Variants in TAF12 observed in about 807,000 individuals in gnomAD.
The protein encoded by TAF12 is TATA-box binding protein associated factor 12, also known as transcription initiation factor TFIID subunit 12.
A neutral mutation model predicts 20.8 loss-of-function variants in TAF12; 3 were observed. The observed-to-expected ratio is 0.14, with a 90% CI of 0.07 to 0.37. The LOEUF (loss-of-function observed/expected upper bound fraction) is 0.37, where lower values mean the gene tolerates loss of function less well. TAF12 is among the 10% of genes least tolerant of loss of function. The probability of loss-of-function intolerance (pLI) is 1.00; values close to 1 mark genes in which losing one functional copy is unlikely to be tolerated. For missense variants in TAF12, 131 were observed against 197.9 expected (o/e 0.66, Z 2.03); for synonymous variants, 69 against 70.2 (o/e 0.98, Z 0.09).
intron 1 of TAF12, among the ~76,000 whole-genome samples, chr1:28,628,856 T>C (rs1212886918): frequency 6.6e-6 from 1 of 152,212 alleles, no homozygotes; most frequent in Non-Finnish European, 1.5e-5. Flanking sequence ...GCGGATCACC[T>C]GAGGTTGGGA....
chr1:28,616,656 C>G (rs1299699268), intron 3 of TAF12, among the ~76,000 whole-genome samples: 1 of 150,688 alleles, frequency 6.6e-6, no homozygotes, highest in Non-Finnish European at 1.5e-5. Flanking sequence ...ATCACTTGAA[C>G]CCCCGGGATG....
chr1:28,619,542 A>G (rs2124331324), intron 2 of TAF12, among the ~76,000 whole-genome samples: 1 of 150,116 alleles, frequency 6.7e-6, no homozygotes, highest in Admixed American at 6.6e-5. Flanking sequence ...ATAAATTAAG[A>G]AAAAAGAAAA....
At chr1:28,647,180 A>G (rs1261286520), upstream of TAF12, among the ~76,000 whole-genome samples, 3 of 152,202 alleles carry the variant, frequency 2.0e-5, no homozygotes, top group African/African-American at 2.4e-5. Flanking sequence ...ATACATAGAA[A>G]GCAGTCTGGC....
intron 1 of TAF12, among the ~76,000 whole-genome samples, chr1:28,624,935 A>C (rs1667334102): frequency 6.6e-6 from 1 of 152,136 alleles, no homozygotes; most frequent in East Asian, 1.9e-4. Flanking sequence ...TTTTAACCAT[A>C]TGTGGCCTCC....
intron 1 of TAF12, among the ~76,000 whole-genome samples, chr1:28,623,073 A>T (rs1667273747): frequency 6.6e-6 from 1 of 151,712 alleles, no homozygotes; most frequent in Non-Finnish European, 1.5e-5. Context: ...ACTTAGCTGG[A>T]CATGGTAGCA....
intron 4 of TAF12, among the ~76,000 whole-genome samples, chr1:28,609,982 T>A (rs192730012): frequency 2.9e-4 from 44 of 151,778 alleles, no homozygotes; most frequent in East Asian, 1.6e-3. Flanking sequence ...GGGGATTATT[T>A]TTTTTTTCTT....
chr1:28,621,830 T>C, intron 2 of TAF12, 84 bp downstream of exon 2: 1 of 1,522,220 alleles, frequency 6.6e-7, no homozygotes, highest in Non-Finnish European at 8.8e-7. Context: ...AAGCAGCATC[T>C]GAGATGGACA....
intron 1 of TAF12, 105 bp downstream of exon 1, chr1:28,642,887 C>T: frequency 3.0e-6 from 3 of 986,168 alleles, no homozygotes; most frequent in Non-Finnish European, 2.4e-6. Context: ...CTCACAGCCC[C>T]GTCTCGTCCA....
At chr1:28,633,630 AG>A (rs918557517) in intron 1 of TAF12, among the ~76,000 whole-genome samples, 1 of 150,954 alleles carries the variant, frequency 6.6e-6, no homozygotes, top group Non-Finnish European at 1.5e-5. Context: ...TACAAAAATT[AG>A]CCGGGTATGT....
At chr1:28,635,180 A>G (rs1667775683) in intron 1 of TAF12, among the ~76,000 whole-genome samples, 1 of 145,318 alleles carries the variant, frequency 6.9e-6, no homozygotes, top group Non-Finnish European at 1.5e-5. Context: ...CAGTGAGCCG[A>G]GATCGCGCCA....
rs577814118 is a variant in TAF12, at chr1:28,627,660, T to G, written c.-84-5495A>C. Among the ~76,000 whole-genome samples the G allele has an allele frequency of 1.8e-4, 7 of 39,592 alleles. No homozygotes were observed. The South Asian group carries it at 7.7e-3, about 44-fold the overall frequency. 26.0% of individuals were successfully genotyped at this position (39,592 alleles called of 152,430 possible). On this transcript the variant is annotated intron_variant, in intron 1 of 5. Coordinates refer to ENST00000373824, the MANE Select transcript of TAF12 (RefSeq NM_005644.4). The stretch of plus-strand genomic sequence containing the variant: ...GTGAGCCGAGATCGCGCCACTGCAC[T>G]CCCTCAAAAAAAAAAAAAAAAAAAA...
chr1:28,615,633 C>A (rs1328395963), intron 3 of TAF12, among the ~76,000 whole-genome samples: 1 of 117,904 alleles, frequency 8.5e-6, no homozygotes, highest in Non-Finnish European at 1.6e-5. Context: ...GAGCCAAGAT[C>A]ATGCCGCTGC....
upstream of TAF12, among the ~76,000 whole-genome samples, chr1:28,647,154 T>G (rs546494868): frequency 2.5e-4 from 38 of 152,298 alleles, no homozygotes; most frequent in African/African-American, 8.4e-4. Context: ...TATTTTTATA[T>G]ATATACGATG....
intron 1 of TAF12, among the ~76,000 whole-genome samples, chr1:28,635,275 CCTT>C (rs1405299085): frequency 1.3e-4 from 18 of 141,380 alleles, no homozygotes; most frequent in African/African-American, 3.9e-4. Context: ...TATCCTCCCT[CCTT>C]TTTTTTTTTT....
In TAF12 at chr1:28,621,944, T is replaced by C; in HGVS notation, c.138A>G (p.Ala46=). 2 of 1,613,766 alleles carry C rather than the reference T, an allele frequency of 1.2e-6. No individual in the cohort carries two copies. The highest frequency in any genetic ancestry group is 2.2e-5 in the East Asian group (1 of 44,870). ...AVVKIPGTPG[A]GGRLSPENNQ... ...TGTTTTCAGGGCTAAGACGACCTCC[T>C]GCCCCAGGAGTGCCTGGTATCTTTA... Residue 46 remains alanine (A), a synonymous_variant, in exon 2 of 6, where the codon GCA becomes GCG. Transcript: ENST00000373824.
At chr1:28,636,140 G>T (rs1322005555) in intron 1 of TAF12, among the ~76,000 whole-genome samples, 1 of 152,288 alleles carries the variant, frequency 6.6e-6, no homozygotes. Flanking sequence ...AGAAATGCAA[G>T]ATTTTTTTCC....
At chr1:28,648,217 C>G in exon 1 of TAF12, 1 of 985,330 alleles carries the variant, frequency 1.0e-6, no homozygotes, top group Non-Finnish European at 1.2e-6. Flanking sequence ...CCGCTGAGAG[C>G]CGGTATTCCA....
intron 1 of TAF12, among the ~76,000 whole-genome samples, chr1:28,626,787 G>A (rs571957681): frequency 7.2e-5 from 11 of 151,818 alleles, no homozygotes; most frequent in South Asian, 2.1e-4. Flanking sequence ...GCAGGTGCCT[G>A]TAATCCCAGC....
intron 1 of TAF12, among the ~76,000 whole-genome samples, chr1:28,638,055 C>CAA (rs1667898654): frequency 1.3e-5 from 2 of 152,078 alleles, no homozygotes; most frequent in African/African-American, 4.8e-5. Flanking sequence ...GGCTGGAGTG[C>CAA]AGTGGCACAA....
Sources: gnomAD v4.1 joint callset for allele counts (sites outside exome capture counted in the v4.1 genomes callset) on GRCh38, gnomAD v4.1.1 for gene constraint, MANE v1.5 for transcripts, NCBI Gene and HGNC (gene_info 2026-07-23, HGNC 2026-07-21) for gene names.